RIC3: variants seen among roughly 807,000 people sequenced by gnomAD.
RIC3 encodes the protein RIC3 acetylcholine receptor chaperone.
A neutral mutation model predicts 27.3 loss-of-function variants in RIC3; 28 were observed. The observed-to-expected ratio is 1.02, with a 90% CI of 0.76 to 1.41. The LOEUF is 1.41. RIC3 is among the 40% of genes most tolerant of loss of function. The pLI, the probability that RIC3 is intolerant of heterozygous loss-of-function variation, is 0.00. For synonymous variants in RIC3, 184 were observed against 160.4 expected, an observed-to-expected ratio of 1.15 and a Z score of -1.11; for missense variants, 501 against 444.7, an observed-to-expected ratio of 1.13 and a Z score of -1.14.
chr11:8,119,107 G>C (rs1946182590), intron 5 of RIC3, among the ~76,000 whole-genome samples: 1 of 152,156 alleles, frequency 6.6e-6, no homozygotes, highest in Admixed American at 6.5e-5. Context: ...TAATCAAAGA[G>C]ATTATAAAAG....
intron 1 of RIC3, among the ~76,000 whole-genome samples, chr11:8,143,510 T>C (rs1238265492): frequency 1.3e-5 from 2 of 151,548 alleles, no homozygotes; most frequent in African/African-American, 4.8e-5. Context: ...TACAAACCAC[T>C]GCTCAAGGAA....
intron 1 of RIC3, among the ~76,000 whole-genome samples, chr11:8,155,838 C>A (rs1211021981): frequency 6.6e-6 from 1 of 152,148 alleles, no homozygotes; most frequent in African/African-American, 2.4e-5. Flanking sequence ...GATAGCCAAG[C>A]TTTTCCCTAA....
chr11:8,100,438 C>A, the RIC3 span: 9 of 1,280,210 alleles, frequency 7.0e-6, no homozygotes, highest in African/African-American at 1.5e-5. Context: ...TATTCCCGTC[C>A]CCCCCACCTT....
the RIC3 span, chr11:8,100,663 A>AG: frequency 6.4e-7 from 1 of 1,562,566 alleles, no homozygotes; most frequent in Non-Finnish European, 8.8e-7. Flanking sequence ...TGAGCTTCTA[A>AG]GGGCAGAACT....
intron 1 of RIC3, among the ~76,000 whole-genome samples, chr11:8,162,328 G>A (rs1399043180): frequency 2.6e-5 from 4 of 152,198 alleles, no homozygotes; most frequent in Non-Finnish European, 4.4e-5. Context: ...CACCCTAACT[G>A]GTGAACCCAA....
intron 4 of RIC3, among the ~76,000 whole-genome samples, chr11:8,134,165 G>T (rs576125556): frequency 2.2e-4 from 34 of 152,062 alleles, no homozygotes; most frequent in Middle Eastern, 3.4e-3. Flanking sequence ...CCCACAACAG[G>T]CCCCAGTGTG....
intron 2 of RIC3, chr11:8,138,698 T>A (rs1948685839): frequency 4.0e-6 from 1 of 248,644 alleles, no homozygotes; most frequent in Non-Finnish European, 7.5e-6. Context: ...TCAACTGTTC[T>A]TAGCTCCCAC....
rs190116212 is a variant in RIC3, at chr11:8,134,875, G to C, written c.521+2503C>G. Among the ~76,000 whole-genome samples the C allele has an allele frequency of 6.4e-3, 981 of 152,218 alleles. 22 individuals are homozygous for C. Among genetic ancestry groups the C allele is most frequent in the Admixed American group, 0.051 (781 of 15,290 alleles). On this transcript the variant is annotated intron_variant, in intron 4 of 5. Coordinates refer to ENST00000309737, the MANE Select transcript of RIC3 (RefSeq NM_001206671.4). Reference sequence around the variant, plus strand: ...TCTTGTAAATTTGTTTGAGTTCATCGTAGATTCCGGATATTAGCCCTTTGT... The same window carrying C: ...TCTTGTAAATTTGTTTGAGTTCATCCTAGATTCCGGATATTAGCCCTTTGT...
intron 5 of RIC3, among the ~76,000 whole-genome samples, chr11:8,124,598 A>C (rs748221724): frequency 6.6e-6 from 1 of 152,170 alleles, no homozygotes; most frequent in Non-Finnish European, 1.5e-5. Flanking sequence ...AAAAAATCTG[A>C]ACAACTTGAA....
At chr11:8,103,199 T>G (rs1944380536), downstream of RIC3, 1 of 152,208 alleles carries the variant, frequency 6.6e-6, no homozygotes, top group Non-Finnish European at 1.5e-5. Flanking sequence ...CCTAACTCCC[T>G]CCACTACCGC....
intron 4 of RIC3, among the ~76,000 whole-genome samples, chr11:8,127,855 C>G (rs1004933052): frequency 6.6e-6 from 1 of 152,184 alleles, no homozygotes; most frequent in South Asian, 2.1e-4. Context: ...CTCTGCTCAG[C>G]CTAACTTTAG....
intron 1 of RIC3, among the ~76,000 whole-genome samples, chr11:8,142,062 C>T (rs1311189853): frequency 6.7e-6 from 1 of 149,924 alleles, no homozygotes; most frequent in Non-Finnish European, 1.5e-5. Flanking sequence ...TAAATGCCCA[C>T]AGGAGAAAGC....
At position 8,168,979 on chromosome 11, in the gene RIC3, G is replaced by C; in HGVS notation, c.11C>G (p.Ser4Cys). The change falls in exon 1 of 6, where the codon TCC becomes TGC. Residue 4 changes from serine to cysteine, a missense_variant. Coordinates refer to ENST00000309737, the MANE Select transcript of RIC3 (RefSeq NM_001206671.4). MAYSTVQRVALASG... is the reference protein window; with the variant it reads MAYCTVQRVALASG... The stretch of plus-strand genomic sequence containing the variant: ...AGCCAGAGCGACTCTCTGCACTGTG[G>C]AGTACGCCATGACTGCTCACGGTGG... 6 of 1,599,324 alleles carry C rather than the reference G, an allele frequency of 3.8e-6. No homozygotes were observed. The highest frequency in any genetic ancestry group is 4.3e-6 in the Non-Finnish European group (5 of 1,173,894).
At chr11:8,119,931 CAT>C (rs1372932946) in intron 5 of RIC3, among the ~76,000 whole-genome samples, 5 of 152,258 alleles carry the variant, frequency 3.3e-5, no homozygotes, top group Admixed American at 6.5e-5. Flanking sequence ...AGCCAACAGA[CAT>C]ATGAAAAAAT....
intron 4 of RIC3, chr11:8,128,461 T>G (rs1947251001): frequency 2.8e-6 from 1 of 352,568 alleles, no homozygotes; most frequent in Non-Finnish European, 5.6e-6. Context: ...ATACTTTTAT[T>G]GTCCATATCA....
the RIC3 span, chr11:8,097,367 T>A: frequency 1.2e-6 from 2 of 1,614,056 alleles, no homozygotes; most frequent in Non-Finnish European, 1.7e-6. Context: ...AAGAAAGGGA[T>A]GGACCGGGGC....
the RIC3 span, chr11:8,100,849 C>T: frequency 1.2e-6 from 2 of 1,614,180 alleles, no homozygotes; most frequent in Middle Eastern, 1.7e-4. Flanking sequence ...TGCTAGCACG[C>T]TGGCAGAATA....
At chr11:8,104,884 C>A (rs1944473914), downstream of RIC3, 1 of 151,366 alleles carries the variant, frequency 6.6e-6, no homozygotes, top group Non-Finnish European at 1.5e-5. Context: ...CGGAGCCTGC[C>A]TCCTTCAGTG....
At chr11:8,122,751 C>T (rs958819250) in intron 5 of RIC3, among the ~76,000 whole-genome samples, 5 of 151,364 alleles carry the variant, frequency 3.3e-5, no homozygotes, top group Non-Finnish European at 5.9e-5. Context: ...TTTCTACTAA[C>T]CTAAATGCTA....
Sources: allele counts gnomAD v4.1 joint callset (sites outside exome capture counted in the v4.1 genomes callset), GRCh38; gene constraint gnomAD v4.1.1; transcripts MANE v1.5; gene names NCBI Gene and HGNC (gene_info 2026-07-23, HGNC 2026-07-21).